The following AKAP19 variants were observed in gnomAD, a reference collection of about 807,000 sequenced individuals.
AKAP19 encodes the protein A-kinase anchoring protein 19.
chr2:190,162,908 T>A, the AKAP19 span, among the ~76,000 whole-genome samples: 1 of 152,190 alleles, frequency 6.6e-6, no homozygotes, highest in South Asian at 2.1e-4. Context: ...AGAGTAAATC[T>A]ATTTTTCATA....
chr2:189,954,433 G>C, the AKAP19 span, among the ~76,000 whole-genome samples: 1 of 152,162 alleles, frequency 6.6e-6, no homozygotes, highest in Non-Finnish European at 1.5e-5. Flanking sequence ...TTCTGGTTTG[G>C]TGACATGTTT....
the AKAP19 span, among the ~76,000 whole-genome samples, chr2:190,187,616 T>C: frequency 6.6e-6 from 1 of 152,094 alleles, no homozygotes; most frequent in South Asian, 2.1e-4. Flanking sequence ...TCCCAGCACT[T>C]TGAGAGGCCA....
At chr2:189,985,319 T>C in the AKAP19 span, among the ~76,000 whole-genome samples, 6 of 152,216 alleles carry the variant, frequency 3.9e-5, no homozygotes, top group Non-Finnish European at 8.8e-5. Context: ...TTGATTTCCT[T>C]AGTAGCCATC....
chr2:190,086,696 G>T, the AKAP19 span, among the ~76,000 whole-genome samples: 1 of 152,158 alleles, frequency 6.6e-6, no homozygotes. Flanking sequence ...GGCTTGGTTT[G>T]CTCTAATCTT....
chr2:190,127,463 A>T, the AKAP19 span, among the ~76,000 whole-genome samples: 1 of 152,124 alleles, frequency 6.6e-6, no homozygotes, highest in African/African-American at 2.4e-5. Context: ...GGACAAGCTG[A>T]GTACTTGTGC....
At chr2:189,969,062 G>T in the AKAP19 span, among the ~76,000 whole-genome samples, 1,364 of 152,186 alleles carry the variant, frequency 9.0e-3, 19 homozygotes, top group African/African-American at 0.031. Flanking sequence ...AATATTTACT[G>T]TATAGGCAAA....
At chr2:190,105,459 T>G in the AKAP19 span, among the ~76,000 whole-genome samples, 1 of 152,308 alleles carries the variant, frequency 6.6e-6, no homozygotes, top group East Asian at 1.9e-4. Context: ...TCCTCTTATT[T>G]TATTCTAATT....
chr2:190,005,166 GC>G, the AKAP19 span, among the ~76,000 whole-genome samples: 1 of 152,170 alleles, frequency 6.6e-6, no homozygotes, highest in South Asian at 2.1e-4. Flanking sequence ...CAAAGAGTCA[GC>G]AGCAGCAAGA....
chr2:190,133,355 A>T, the AKAP19 span, among the ~76,000 whole-genome samples: 1 of 152,128 alleles, frequency 6.6e-6, no homozygotes, highest in African/African-American at 2.4e-5. Flanking sequence ...ATCATTAATC[A>T]TCAGGGAAAT....
the AKAP19 span, among the ~76,000 whole-genome samples, chr2:190,054,909 AG>A: frequency 6.6e-6 from 1 of 152,220 alleles, no homozygotes; most frequent in Non-Finnish European, 1.5e-5. Context: ...CCATTGTGGA[AG>A]TCAGTGTGGC....
chr2:190,010,000 G>C, the AKAP19 span, among the ~76,000 whole-genome samples: 1 of 152,198 alleles, frequency 6.6e-6, no homozygotes, highest in South Asian at 2.1e-4. Flanking sequence ...AAAGAGCAAG[G>C]ATAGCTGGTG....
the AKAP19 span, among the ~76,000 whole-genome samples, chr2:190,083,209 T>A: frequency 6.6e-6 from 1 of 152,008 alleles, no homozygotes. Context: ...CAAAACCCCG[T>A]CTCTACTAAA....
chr2:190,118,846 T>C, the AKAP19 span, among the ~76,000 whole-genome samples: 2 of 152,150 alleles, frequency 1.3e-5, no homozygotes, highest in African/African-American at 4.8e-5. Flanking sequence ...CTATTCAACA[T>C]ACTGTTGGAA....
At chr2:190,158,162 T>G in the AKAP19 span, among the ~76,000 whole-genome samples, 1 of 152,188 alleles carries the variant, frequency 6.6e-6, no homozygotes, top group African/African-American at 2.4e-5. Context: ...CCCTTTCATG[T>G]AAAATCTTTA....
chr2:189,895,902 T>G, the AKAP19 span, among the ~76,000 whole-genome samples: 1 of 151,408 alleles, frequency 6.6e-6, no homozygotes, highest in Non-Finnish European at 1.5e-5. Context: ...TCCCAGCTAC[T>G]CCAGGGGCTG....
chr2:190,019,162 G>A, the AKAP19 span, among the ~76,000 whole-genome samples: 2 of 152,142 alleles, frequency 1.3e-5, no homozygotes, highest in Non-Finnish European at 2.9e-5. Flanking sequence ...CCTGTGTAGG[G>A]AATTGAAGTG....
the AKAP19 span, among the ~76,000 whole-genome samples, chr2:189,913,680 T>C: frequency 6.6e-6 from 1 of 152,120 alleles, no homozygotes; most frequent in East Asian, 1.9e-4. Context: ...ATTTGTAGCT[T>C]AAACATAGTG....
the AKAP19 span, chr2:190,199,732 A>G: frequency 6.7e-7 from 1 of 1,494,140 alleles, no homozygotes; most frequent in Non-Finnish European, 8.9e-7. Flanking sequence ...GAAAGGGAAC[A>G]TTGATTACTG....
the AKAP19 span, among the ~76,000 whole-genome samples, chr2:190,195,006 C>G: frequency 1.3e-5 from 2 of 152,016 alleles, no homozygotes; most frequent in Non-Finnish European, 2.9e-5. Flanking sequence ...AGGTGTGCAC[C>G]ACCATGCCTG....
Sources: allele counts gnomAD v4.1 joint callset (sites outside exome capture counted in the v4.1 genomes callset), GRCh38; gene constraint gnomAD v4.1.1; transcripts MANE v1.5; gene names NCBI Gene and HGNC (gene_info 2026-07-23, HGNC 2026-07-21).